The following SOX5 variants were observed in gnomAD, a reference collection of about 807,000 sequenced individuals.
SOX5 encodes the protein transcription factor SOX-5.
In SOX5, 9 loss-of-function variants were observed where a neutral mutation model predicts 92.0. The observed-to-expected ratio is 0.10, with a 90% CI of 0.06 to 0.17. The LOEUF is 0.17. SOX5 is among the 10% of genes least tolerant of loss of function. The probability of loss-of-function intolerance (pLI) is 1.00; values close to 1 mark genes in which losing one functional copy is unlikely to be tolerated. For missense variants in SOX5, 642 were observed against 944.5 expected (o/e 0.68, Z 4.20); for synonymous variants, 344 against 336.3 (o/e 1.02, Z -0.25).
At chr12:24,127,478 T>C (rs1299366369) in intron 4 of SOX5, among the ~76,000 whole-genome samples, 3 of 151,952 alleles carry the variant, frequency 2.0e-5, no homozygotes, top group African/African-American at 2.4e-5. Flanking sequence ...TGCTATCAGG[T>C]CACTACTGCA....
intron 3 of SOX5, among the ~76,000 whole-genome samples, chr12:24,254,002 T>C (rs1039375928): frequency 2.6e-5 from 4 of 152,134 alleles, no homozygotes; most frequent in Non-Finnish European, 4.4e-5. Flanking sequence ...TTGAGTGAAT[T>C]AGTGTAAGGG....
chr12:24,162,843 A>G (rs148194270), intron 4 of SOX5, among the ~76,000 whole-genome samples: 12 of 152,276 alleles, frequency 7.9e-5, no homozygotes, highest in Non-Finnish European at 1.6e-4. Flanking sequence ...CAAAGAGCTA[A>G]GGAGTCACTG....
intron 6 of SOX5, among the ~76,000 whole-genome samples, chr12:23,728,520 G>A (rs945826840): frequency 6.6e-6 from 1 of 152,064 alleles, no homozygotes; most frequent in African/African-American, 2.4e-5. Flanking sequence ...TATTTCACCT[G>A]TAACATTATT....
chr12:24,542,794 G>A (rs567885648), intron 1 of SOX5, among the ~76,000 whole-genome samples: 4 of 152,308 alleles, frequency 2.6e-5, no homozygotes, highest in East Asian at 1.9e-4. Context: ...TGTCACCTTC[G>A]TAACACTGGG....
In SOX5 at chr12:24,227,120, G is replaced by C. The variant is rs371048614; in HGVS notation, c.-76-13703C>G. On this transcript the variant is annotated intron_variant, in intron 3 of 4. Transcript: ENST00000446891. Reference sequence around the variant, plus strand: ...GGTTTGTGGCTTGAGGCTGCTGTTTGTCCAAGTAACACATTCATTCTGTTG... The same window carrying C: ...GGTTTGTGGCTTGAGGCTGCTGTTTCTCCAAGTAACACATTCATTCTGTTG... 11 of 152,354 alleles carry C rather than the reference G, an allele frequency of 7.2e-5. No homozygotes were observed. In the East Asian group the frequency reaches 1.7e-3, roughly 24 times the overall value. 9.4% of individuals were successfully genotyped at this position (152,354 alleles called of 1,614,324 possible). A position where few individuals can be genotyped will look rare whatever the true frequency, so the allele number is the denominator to read the frequency against.
intron 3 of SOX5, among the ~76,000 whole-genome samples, chr12:24,247,314 A>T (rs1367439607): frequency 3.9e-5 from 6 of 152,174 alleles, no homozygotes; most frequent in Non-Finnish European, 8.8e-5. Flanking sequence ...ACACAGTAGG[A>T]GGTTGGATAA....
At chr12:23,698,068 A>C (rs1023474015) in intron 6 of SOX5, among the ~76,000 whole-genome samples, 1 of 152,154 alleles carries the variant, frequency 6.6e-6, no homozygotes, top group Admixed American at 6.6e-5. Context: ...TTACAGTACA[A>C]CTGTTAAACT....
At chr12:24,258,029 T>G (rs1457011451) in intron 3 of SOX5, among the ~76,000 whole-genome samples, 1 of 151,934 alleles carries the variant, frequency 6.6e-6, no homozygotes, top group Admixed American at 6.6e-5. Flanking sequence ...AAAAATTAGC[T>G]GGGCGCGGTG....
intron 3 of SOX5, among the ~76,000 whole-genome samples, chr12:24,245,405 GAAGA>G (rs1938489650): frequency 6.6e-6 from 1 of 152,042 alleles, no homozygotes; most frequent in Non-Finnish European, 1.5e-5. Context: ...TTTTTAAAAA[GAAGA>G]AAGAAACTAA....
At chr12:23,761,668 A>G (rs892506675) in intron 3 of SOX5, among the ~76,000 whole-genome samples, 1 of 152,112 alleles carries the variant, frequency 6.6e-6, no homozygotes, top group African/African-American at 2.4e-5. Flanking sequence ...TACTACCACA[A>G]AGTTTTTTAA....
intron 4 of SOX5, among the ~76,000 whole-genome samples, chr12:24,064,747 A>G (rs1940367501): frequency 6.6e-6 from 1 of 152,192 alleles, no homozygotes; most frequent in African/African-American, 2.4e-5. Context: ...AGAAGCTCAA[A>G]AAATATTTCT....
chr12:23,984,607 T>C (rs1178053485), intron 4 of SOX5, among the ~76,000 whole-genome samples: 2 of 152,134 alleles, frequency 1.3e-5, no homozygotes. Context: ...AGGATAGAGA[T>C]GTATAATCTG....
chr12:24,387,037 G>A (rs912089093), intron 1 of SOX5, among the ~76,000 whole-genome samples: 4 of 152,118 alleles, frequency 2.6e-5, no homozygotes, highest in Admixed American at 1.3e-4. Context: ...ATTTTGGCAC[G>A]GGGCCATGTA....
At chr12:23,591,590 C>T (rs1239970865) in intron 9 of SOX5, among the ~76,000 whole-genome samples, 3 of 152,070 alleles carry the variant, frequency 2.0e-5, no homozygotes, top group African/African-American at 7.2e-5. Flanking sequence ...CCAGAATCAT[C>T]ATTTTTTAGA....
chr12:24,365,926 C>T (rs531359786), intron 2 of SOX5, among the ~76,000 whole-genome samples: 1 of 152,106 alleles, frequency 6.6e-6, no homozygotes, highest in South Asian at 2.1e-4. Flanking sequence ...AATGATGTAA[C>T]TTGCTTTTAT....
intron 1 of SOX5, among the ~76,000 whole-genome samples, chr12:24,524,609 A>C (rs991165144): frequency 6.6e-6 from 1 of 152,186 alleles, no homozygotes; most frequent in Non-Finnish European, 1.5e-5. Flanking sequence ...GCAAATCAAA[A>C]CCATAATGAG....
intron 2 of SOX5, among the ~76,000 whole-genome samples, chr12:23,867,786 A>T (rs543611508): frequency 6.6e-6 from 1 of 151,916 alleles, no homozygotes; most frequent in South Asian, 2.1e-4. Context: ...CGATCTGTAA[A>T]TTAAGCTCTA....
At chr12:24,265,130 C>T (rs916110162) in intron 3 of SOX5, among the ~76,000 whole-genome samples, 1 of 152,016 alleles carries the variant, frequency 6.6e-6, no homozygotes, top group Non-Finnish European at 1.5e-5. Context: ...ACTTGAGTTT[C>T]AATATATTGA....
chr12:23,622,109 A>G (rs1191349378), intron 8 of SOX5, among the ~76,000 whole-genome samples: 2 of 152,078 alleles, frequency 1.3e-5, no homozygotes, highest in African/African-American at 2.4e-5. Flanking sequence ...TTATCTCCCA[A>G]TGCCCTTTGG....
Sources: gnomAD v4.1 joint callset for allele counts (sites outside exome capture counted in the v4.1 genomes callset) on GRCh38, gnomAD v4.1.1 for gene constraint, MANE v1.5 for transcripts, NCBI Gene and HGNC (gene_info 2026-07-23, HGNC 2026-07-21) for gene names.